SCARA5: variants seen among roughly 807,000 people sequenced by gnomAD.
SCARA5 encodes the protein scavenger receptor class A member 5, also known as scavenger receptor class A, member 5 (putative).
Under a neutral mutation model 46.3 loss-of-function variants are expected in SCARA5, and 45 were observed. The ratio of observed to expected loss-of-function variants is 0.97; its 90% CI spans 0.76 to 1.24. The LOEUF is 1.24. Ranked by LOEUF, SCARA5 falls within the 50% of genes most tolerant of loss-of-function variation. SCARA5 has a pLI of 0.00. For synonymous variants in SCARA5, 333 were observed against 306.5 expected (o/e 1.09, Z -0.90); for missense variants, 680 against 689.0 (o/e 0.99, Z 0.15).
intron 7 of SCARA5, among the ~76,000 whole-genome samples, chr8:27,895,706 C>T (rs1017667967): frequency 5.9e-5 from 9 of 152,222 alleles, no homozygotes; most frequent in Admixed American, 2.0e-4. Context: ...TGTGTCTCCA[C>T]TTAGGGGTCA....
intron 7 of SCARA5, among the ~76,000 whole-genome samples, chr8:27,894,150 G>A (rs183782271): frequency 4.0e-4 from 61 of 152,344 alleles, no homozygotes; most frequent in African/African-American, 1.4e-3. Flanking sequence ...GCGTGCATTT[G>A]CTCATTTCTT....
At chr8:27,966,988 C>T (rs192463198) in intron 2 of SCARA5, among the ~76,000 whole-genome samples, 14 of 152,312 alleles carry the variant, frequency 9.2e-5, no homozygotes, top group Admixed American at 7.2e-4. Flanking sequence ...CCCAGTGGGA[C>T]TGTGGGGAGG....
chr8:27,879,828 C>A, intron 7 of SCARA5, 62 bp from the exon 8 acceptor site: 2 of 1,522,608 alleles, frequency 1.3e-6, no homozygotes, highest in South Asian at 2.3e-5. Flanking sequence ...CCCCCAGGGG[C>A]CTTCTTTGAC....
chr8:27,887,736 G>A (rs1401041264), intron 7 of SCARA5, among the ~76,000 whole-genome samples: 2 of 152,188 alleles, frequency 1.3e-5, no homozygotes, highest in Non-Finnish European at 2.9e-5. Flanking sequence ...CCGAGATGGA[G>A]CAGGGACTTA....
At chr8:27,954,165 G>T (rs767472407) in intron 3 of SCARA5, among the ~76,000 whole-genome samples, 10 of 152,114 alleles carry the variant, frequency 6.6e-5, no homozygotes, top group Admixed American at 2.6e-4. Context: ...CTGTTCCCAG[G>T]TACCAGGACC....
chr8:27,936,513 C>T lies in SCARA5; in HGVS notation c.242-14268G>A, dbSNP rs562109436. ...CTGAGGCAGGAGAATCGCTTGAACC[C>T]GGGAGGCAGAGGTTGCAGTGAGCCG... On this transcript the variant is annotated intron_variant, in intron 3 of 8. Coordinates refer to ENST00000354914, the MANE Select transcript of SCARA5 (RefSeq NM_173833.6). Among the ~76,000 whole-genome samples the T allele has an allele frequency of 3.1e-3, 437 of 142,364 alleles. 3 individuals carry two copies. The highest frequency in any genetic ancestry group is 0.01 in the African/African-American group (404 of 38,478). 93.4% of individuals were successfully genotyped at this position (142,364 alleles called of 152,430 possible). A position where few individuals can be genotyped will look rare whatever the true frequency, so the allele number is the denominator to read the frequency against.
In SCARA5 at chr8:27,885,354, C is replaced by T. The variant is rs539501484; in HGVS notation, c.1154-5588G>A. On this transcript the variant is annotated intron_variant, in intron 7 of 8. Transcript: ENST00000354914. ...GATCTCAGCTTAGATGCCTCTTCTC[C>T]TTCCCTGGTCCCCACACCCAACAGG... Among the ~76,000 whole-genome samples the T allele has an allele frequency of 1.2e-4, 19 of 152,302 alleles. 1 individual carries two copies. Among genetic ancestry groups the T allele is most frequent in the African/African-American group, 4.3e-4 (18 of 41,576 alleles).
intron 7 of SCARA5, among the ~76,000 whole-genome samples, chr8:27,891,733 G>T (rs901184236): frequency 6.6e-5 from 10 of 152,094 alleles, no homozygotes; most frequent in Non-Finnish European, 1.5e-4. Context: ...TCTGCTTTTT[G>T]TAATTTTTCA....
chr8:27,894,406 A>G (rs1334356472), intron 7 of SCARA5, among the ~76,000 whole-genome samples: 1 of 152,198 alleles, frequency 6.6e-6, no homozygotes, highest in Middle Eastern at 3.2e-3. Flanking sequence ...CAACAGCCCT[A>G]TGGGGTCTGC....
chr8:27,941,231 T>C (rs1342902608), intron 3 of SCARA5, among the ~76,000 whole-genome samples: 2 of 152,232 alleles, frequency 1.3e-5, no homozygotes, highest in African/African-American at 4.8e-5. Context: ...GGAATCAATT[T>C]AGATTTAGAA....
At chr8:27,958,574 G>T (rs553196705) in intron 3 of SCARA5, among the ~76,000 whole-genome samples, 5 of 152,362 alleles carry the variant, frequency 3.3e-5, no homozygotes, top group African/African-American at 9.6e-5. Context: ...ACAGAATGGG[G>T]ACTATAGGGA....
chr8:27,916,016 T>TC (rs1262085759), intron 4 of SCARA5, among the ~76,000 whole-genome samples: 5 of 152,318 alleles, frequency 3.3e-5, no homozygotes, highest in Non-Finnish European at 7.3e-5. Flanking sequence ...TCTGTGATGA[T>TC]CTAAGTTCTC....
intron 4 of SCARA5, among the ~76,000 whole-genome samples, chr8:27,920,129 G>C (rs1256671054): frequency 6.6e-6 from 1 of 151,844 alleles, no homozygotes; most frequent in African/African-American, 2.4e-5. Flanking sequence ...ATCATTTGTG[G>C]GCCCACAGCA....
chr8:27,961,319 A>T (rs1465830937), intron 3 of SCARA5, among the ~76,000 whole-genome samples: 1 of 152,092 alleles, frequency 6.6e-6, no homozygotes, highest in Non-Finnish European at 1.5e-5. Flanking sequence ...CATGAGAACC[A>T]GTTGTTTAAA....
intron 4 of SCARA5, among the ~76,000 whole-genome samples, chr8:27,916,821 A>G (rs1035602205): frequency 2.0e-5 from 3 of 152,214 alleles, no homozygotes; most frequent in Non-Finnish European, 2.9e-5. Flanking sequence ...CAGGAGCCCC[A>G]GTGCAGTGAT....
chr8:27,917,534 A>G (rs578154704), intron 4 of SCARA5, among the ~76,000 whole-genome samples: 2 of 152,278 alleles, frequency 1.3e-5, no homozygotes, highest in African/African-American at 4.8e-5. Flanking sequence ...CGGAAGCAAA[A>G]TGCTTCCATC....
intron 4 of SCARA5, among the ~76,000 whole-genome samples, chr8:27,911,509 T>A (rs1807375960): frequency 6.6e-6 from 1 of 152,114 alleles, no homozygotes. Flanking sequence ...CTGGCCAACA[T>A]GGTGAAATCC....
At chr8:27,892,293 A>T (rs1806996857) in intron 7 of SCARA5, among the ~76,000 whole-genome samples, 1 of 152,188 alleles carries the variant, frequency 6.6e-6, no homozygotes, top group South Asian at 2.1e-4. Flanking sequence ...GCCCACCTGA[A>T]CTATGGGTCC....
intron 2 of SCARA5, among the ~76,000 whole-genome samples, chr8:27,970,622 C>T (rs139208472): frequency 6.6e-6 from 1 of 152,332 alleles, no homozygotes; most frequent in African/African-American, 2.4e-5. Flanking sequence ...GGTAGCCCTG[C>T]TCTGCAGGGA....
Sources: allele counts gnomAD v4.1 joint callset (sites outside exome capture counted in the v4.1 genomes callset), GRCh38; gene constraint gnomAD v4.1.1; transcripts MANE v1.5; gene names NCBI Gene and HGNC (gene_info 2026-07-23, HGNC 2026-07-21).